GRB14: variants seen among roughly 807,000 people sequenced by gnomAD.
GRB14 encodes growth factor receptor-bound protein 14.
Under a neutral mutation model 69.1 loss-of-function variants are expected in GRB14, and 38 were observed. The ratio of observed to expected loss-of-function variants is 0.55; its 90% CI spans 0.42 to 0.72. The LOEUF is 0.72. GRB14 is among the 30% of genes least tolerant of loss of function. The pLI, the probability that GRB14 is intolerant of heterozygous loss-of-function variation, is 0.00. For synonymous variants in GRB14, 247 were observed against 241.3 expected (o/e 1.02, Z -0.22); for missense variants, 666 against 666.1 (o/e 1.00, Z 0.00).
chr2:164,568,554 G>T, intron 2 of GRB14: 1 of 872,710 alleles, frequency 1.1e-6, no homozygotes, highest in Non-Finnish European at 1.4e-6. Context: ...GATGGCTGTG[G>T]GACAGGACAA....
Position 164,591,182 on chromosome 2 carries a change from G to C in GRB14, c.324+28505C>G, listed in dbSNP as rs530643909. On this transcript the variant is annotated intron_variant, in intron 2 of 13. Coordinates refer to ENST00000263915, the MANE Select transcript of GRB14 (RefSeq NM_004490.3). ...ATCAATCATTTGTGTAGAATATAAAGACTTTCTAAGACTAGGGAAGGAGAA... is the reference window on the plus strand; with the variant it reads ...ATCAATCATTTGTGTAGAATATAAACACTTTCTAAGACTAGGGAAGGAGAA... Among the ~76,000 whole-genome samples the C allele has an allele frequency of 2.0e-5, 3 of 152,142 alleles. No homozygotes were observed. The East Asian group carries it at 5.8e-4, about 29-fold the overall frequency.
chr2:164,617,973 T>G (rs1028442145), intron 2 of GRB14, among the ~76,000 whole-genome samples: 1,773 of 37,952 alleles, frequency 0.047, no homozygotes, highest in Admixed American at 0.064. Flanking sequence ...GGGGGGGGGG[T>G]AGTGTCAGCG....
chr2:164,549,563 A>G (rs149254573), intron 2 of GRB14, among the ~76,000 whole-genome samples: 1 of 152,120 alleles, frequency 6.6e-6, no homozygotes, highest in African/African-American at 2.4e-5. Context: ...AAAGCTATGT[A>G]TCTCTTATCA....
chr2:164,581,767 A>G (rs184643045), intron 2 of GRB14, among the ~76,000 whole-genome samples: 1 of 152,324 alleles, frequency 6.6e-6, no homozygotes, highest in East Asian at 1.9e-4. Flanking sequence ...GAAGTTCTAT[A>G]TTATGATCTC....
intron 2 of GRB14, among the ~76,000 whole-genome samples, chr2:164,564,513 G>T (rs1014284101): frequency 3.9e-5 from 6 of 152,148 alleles, no homozygotes; most frequent in African/African-American, 7.2e-5. Context: ...TGGGGAATTA[G>T]ATCTTCTCAT....
intron 2 of GRB14, among the ~76,000 whole-genome samples, chr2:164,562,262 C>T (rs73971037): frequency 0.021 from 3,233 of 152,222 alleles, 108 homozygotes; most frequent in African/African-American, 0.074. Flanking sequence ...CAGAAGTCCC[C>T]GTCTAATACT....
intron 2 of GRB14, among the ~76,000 whole-genome samples, chr2:164,564,454 T>C (rs1050408050): frequency 9.8e-5 from 15 of 152,346 alleles, no homozygotes; most frequent in African/African-American, 3.6e-4. Context: ...ATTAGTCTAA[T>C]TGTATGAGGA....
intron 2 of GRB14, among the ~76,000 whole-genome samples, chr2:164,559,504 T>A (rs1688767510): frequency 6.6e-6 from 1 of 152,160 alleles, no homozygotes; most frequent in Non-Finnish European, 1.5e-5. Context: ...TGCATCTTCA[T>A]AGCTTAGCTC....
intron 2 of GRB14, among the ~76,000 whole-genome samples, chr2:164,564,796 A>C (rs1329440781): frequency 6.6e-6 from 1 of 152,152 alleles, no homozygotes; most frequent in East Asian, 1.9e-4. Flanking sequence ...TGGGCAGATC[A>C]CAAGGTCAGG....
At chr2:164,574,045 T>C in intron 2 of GRB14, 2 of 1,220,740 alleles carry the variant, frequency 1.6e-6, no homozygotes, top group Middle Eastern at 2.7e-4. Context: ...GCAATAAATA[T>C]GTAGCCTAGA....
At chr2:164,564,135 A>C (rs1424705908) in intron 2 of GRB14, among the ~76,000 whole-genome samples, 1 of 152,210 alleles carries the variant, frequency 6.6e-6, no homozygotes, top group Non-Finnish European at 1.5e-5. Context: ...GCCGACACTT[A>C]GGCAATAGAC....
intron 2 of GRB14, among the ~76,000 whole-genome samples, chr2:164,579,057 T>C (rs1689326707): frequency 6.6e-6 from 1 of 152,118 alleles, no homozygotes; most frequent in African/African-American, 2.4e-5. Flanking sequence ...TTATACAATA[T>C]TACTTAGTAT....
intron 12 of GRB14, among the ~76,000 whole-genome samples, chr2:164,496,035 T>A (rs557632): frequency 0.94 from 143,130 of 152,278 alleles, 67,391 homozygotes; most frequent in East Asian, 0.97. Context: ...TCAAATTTAT[T>A]TCCAAAAAGA....
Position 164,502,487 on chromosome 2 carries a change from G to A in GRB14, c.1024-152C>T, listed in dbSNP as rs1687081943. On this transcript the variant is annotated intron_variant, in intron 8 of 13. Coordinates refer to ENST00000263915, the MANE Select transcript of GRB14 (RefSeq NM_004490.3). ...CAAAATTTTGAAAGATGAACTTTTA[G>A]TGCCCTGCAACAATACATTTAAAAA... 1.6e-5 allele frequency: 9 copies of A among 560,206 alleles called. No homozygotes were observed. In the East Asian group the frequency reaches 2.6e-4, roughly 16 times the overall value. The allele number at this position is 560,206 out of a possible 1,614,324, so 34.7% of individuals were successfully genotyped here. A position where few individuals can be genotyped will look rare whatever the true frequency, so the allele number is the denominator to read the frequency against.
chr2:164,506,723 A>T (rs544798364), intron 8 of GRB14, among the ~76,000 whole-genome samples: 1 of 152,200 alleles, frequency 6.6e-6, no homozygotes, highest in African/African-American at 2.4e-5. Context: ...CAGTGAAAAA[A>T]TGGATAAACT....
chr2:164,610,505 T>C (rs1360047809), intron 2 of GRB14, among the ~76,000 whole-genome samples: 1 of 152,116 alleles, frequency 6.6e-6, no homozygotes, highest in African/African-American at 2.4e-5. Flanking sequence ...CTAGATTCAA[T>C]TTTATTTTTG....
chr2:164,610,886 A>C (rs13022195), intron 2 of GRB14, among the ~76,000 whole-genome samples: 19,862 of 144,746 alleles, frequency 0.14, 1,421 homozygotes, highest in Admixed American at 0.15. Context: ...AAAAAAAAAA[A>C]AAAACAGGCT....
intron 2 of GRB14, among the ~76,000 whole-genome samples, chr2:164,616,425 CAAAAAAA>C (rs34263597): frequency 3.0e-5 from 2 of 66,628 alleles, no homozygotes; most frequent in African/African-American, 1.3e-4. Flanking sequence ...GACTCCGTCT[CAAAAAAA>C]AAAAAAAAAA....
intron 6 of GRB14, among the ~76,000 whole-genome samples, chr2:164,519,291 G>A (rs186179296): frequency 6.3e-4 from 95 of 150,082 alleles, no homozygotes; most frequent in Non-Finnish European, 1.1e-3. Context: ...TCTCAATAGC[G>A]TTAGTCAAAA....
Sources: gnomAD v4.1 joint callset for allele counts (sites outside exome capture counted in the v4.1 genomes callset) on GRCh38, gnomAD v4.1.1 for gene constraint, MANE v1.5 for transcripts, NCBI Gene and HGNC (gene_info 2026-07-23, HGNC 2026-07-21) for gene names.